The following DEK variants were observed in gnomAD, a reference collection of about 807,000 sequenced individuals.
DEK encodes DEK proto-oncogene, also known as protein DEK.
In DEK, 28 loss-of-function variants were observed where a neutral mutation model predicts 46.8. The observed-to-expected ratio is 0.60, with a 90% confidence interval of 0.44 to 0.82. The LOEUF (loss-of-function observed/expected upper bound fraction) is 0.82, where lower values mean the gene tolerates loss of function less well. Among genes scored for constraint, DEK ranks in the 40% least tolerant of loss-of-function variants. The probability of loss-of-function intolerance (pLI) is 0.00; values close to 1 mark genes in which losing one functional copy is unlikely to be tolerated. For missense variants in DEK, 416 were observed against 430.6 expected (o/e 0.97, Z 0.30); for synonymous variants, 160 against 144.5 (o/e 1.11, Z -0.77).
chr6:18,253,874 G>A (rs562064049), intron 6 of DEK, among the ~76,000 whole-genome samples: 5 of 151,862 alleles, frequency 3.3e-5, no homozygotes, highest in Non-Finnish European at 7.4e-5. Flanking sequence ...CTCAGCGCCT[G>A]GCTAATTTCT....
intron 7 of DEK, among the ~76,000 whole-genome samples, chr6:18,239,592 G>A (rs1436575698): frequency 2.0e-5 from 3 of 152,004 alleles, no homozygotes; most frequent in Non-Finnish European, 4.4e-5. Context: ...TAGTTTAACT[G>A]CTACTAAAAA....
At chr6:18,252,453 G>A (rs569466586) in intron 6 of DEK, among the ~76,000 whole-genome samples, 399 of 129,982 alleles carry the variant, frequency 3.1e-3, no homozygotes, top group Non-Finnish European at 4.5e-3. Flanking sequence ...AGGTTGCATT[G>A]AGCCATGATT....
intron 9 of DEK, among the ~76,000 whole-genome samples, chr6:18,234,201 CG>C (rs887944771): frequency 9.2e-5 from 2 of 21,792 alleles, no homozygotes; most frequent in African/African-American, 3.9e-4. Flanking sequence ...GTGGGGGGGA[CG>C]GGGGAGGGAT....
At chr6:18,233,324 T>G (rs1790492829) in intron 9 of DEK, among the ~76,000 whole-genome samples, 1 of 152,050 alleles carries the variant, frequency 6.6e-6, no homozygotes, top group African/African-American at 2.4e-5. Context: ...CCAAAAGCAA[T>G]GGCAACAAAA....
intron 9 of DEK, among the ~76,000 whole-genome samples, chr6:18,227,358 A>T (rs1790186311): frequency 6.6e-6 from 1 of 152,194 alleles, no homozygotes; most frequent in African/African-American, 2.4e-5. Context: ...GTAATACTGT[A>T]AGGCATTGAG....
At chr6:18,246,003 C>T (rs1041852808) in intron 7 of DEK, among the ~76,000 whole-genome samples, 3 of 152,212 alleles carry the variant, frequency 2.0e-5, no homozygotes, top group East Asian at 1.9e-4. Context: ...GCTCCTCATT[C>T]GCCTTCCACC....
At chr6:18,241,920 T>G (rs946377014) in intron 7 of DEK, among the ~76,000 whole-genome samples, 11 of 152,182 alleles carry the variant, frequency 7.2e-5, no homozygotes, top group African/African-American at 2.2e-4. Flanking sequence ...GACAAAGCAA[T>G]CAACAGGACA....
At chr6:18,256,998 T>C (rs1194158642) in intron 4 of DEK, among the ~76,000 whole-genome samples, 1 of 152,188 alleles carries the variant, frequency 6.6e-6, no homozygotes, top group African/African-American at 2.4e-5. Context: ...GCACCAGACA[T>C]TCTATTCTAC....
At chr6:18,244,711 G>C (rs1277140881) in intron 7 of DEK, 1 of 422,300 alleles carries the variant, frequency 2.4e-6, no homozygotes, top group Admixed American at 3.7e-5. Flanking sequence ...TGCAAGTCTA[G>C]TTATATTTCA....
At chr6:18,231,344 C>A (rs1232937182) in intron 9 of DEK, among the ~76,000 whole-genome samples, 8 of 152,040 alleles carry the variant, frequency 5.3e-5, no homozygotes, top group African/African-American at 1.9e-4. Flanking sequence ...CAAAAGCTAG[C>A]AGAAGGCAAG....
At chr6:18,227,583 T>A (rs1790198040) in intron 9 of DEK, among the ~76,000 whole-genome samples, 1 of 152,096 alleles carries the variant, frequency 6.6e-6, no homozygotes, top group Non-Finnish European at 1.5e-5. Context: ...TGAACGCTGG[T>A]CCCCTGAGTC....
intron 9 of DEK, among the ~76,000 whole-genome samples, chr6:18,231,966 T>C (rs2151078451): frequency 6.6e-6 from 1 of 152,246 alleles, no homozygotes; most frequent in East Asian, 1.9e-4. Flanking sequence ...AAATCCTCAA[T>C]ACAATACTGG....
At chr6:18,264,180 C>G (rs1792005134) in intron 1 of DEK, 184 bp from the exon 2 acceptor site, 2 of 458,770 alleles carry the variant, frequency 4.4e-6, no homozygotes, top group Middle Eastern at 5.6e-4. Context: ...CCGCCGCCGT[C>G]CAGGGATTCC....
intron 9 of DEK, among the ~76,000 whole-genome samples, chr6:18,228,442 G>A (rs781624974): frequency 7.2e-5 from 11 of 151,980 alleles, no homozygotes; most frequent in East Asian, 1.9e-4. Context: ...AGCTCCCACC[G>A]TGAGCGACGC....
At chr6:18,238,673 G>C (rs566992660) in intron 7 of DEK, among the ~76,000 whole-genome samples, 2 of 142,620 alleles carry the variant, frequency 1.4e-5, no homozygotes, top group South Asian at 2.3e-4. Flanking sequence ...CTCCAGGAGA[G>C]AGACTGTCTC....
chr6:18,259,177 T>C (rs1485884213), intron 2 of DEK, among the ~76,000 whole-genome samples: 1 of 146,488 alleles, frequency 6.8e-6, no homozygotes, highest in Non-Finnish European at 1.5e-5. Context: ...CCTGGCTAAC[T>C]CAGTCAGGAG....
At chr6:18,239,336 GTC>G (rs1195962149) in intron 7 of DEK, among the ~76,000 whole-genome samples, 2 of 90,790 alleles carry the variant, frequency 2.2e-5, no homozygotes, top group Admixed American at 1.2e-4. Context: ...GGATTTTAGT[GTC>G]TTTTTTTTTT....
chr6:18,225,405 A>G lies in DEK; in HGVS notation c.*314T>C, dbSNP rs547500031. 2.6e-5 allele frequency: 8 copies of G among 310,196 alleles called. No homozygotes were observed. The highest frequency in any genetic ancestry group is 4.7e-5 in the Non-Finnish European group (8 of 168,702). 19.2% of individuals were successfully genotyped at this position (310,196 alleles called of 1,614,324 possible). On this transcript the variant is annotated 3_prime_UTR_variant, in exon 11 of 11. Transcript: ENST00000652689. ...AGTATGCCTTAAGCAAGCTAATATT[A>G]AGTGCACTAAAAACCACAACAGCTC...
At chr6:18,245,898 T>C (rs1352974137) in intron 7 of DEK, among the ~76,000 whole-genome samples, 4 of 152,276 alleles carry the variant, frequency 2.6e-5, no homozygotes, top group African/African-American at 9.6e-5. Flanking sequence ...GCTGTTCTCA[T>C]GACAGTGAAA....
Sources: allele counts gnomAD v4.1 joint callset (sites outside exome capture counted in the v4.1 genomes callset), GRCh38; gene constraint gnomAD v4.1.1; transcripts MANE v1.5; gene names NCBI Gene and HGNC (gene_info 2026-07-23, HGNC 2026-07-21).